MYH1: variants seen among roughly 807,000 people sequenced by gnomAD.
The protein encoded by MYH1 is myosin-1.
A neutral mutation model predicts 225.6 loss-of-function variants in MYH1; 214 were observed. That is an observed-to-expected ratio of 0.95 (90% CI 0.85 to 1.06). The LOEUF is 1.06. Among genes scored for constraint, MYH1 ranks in the 50% least tolerant of loss-of-function variants. The pLI, the probability that MYH1 is intolerant of heterozygous loss-of-function variation, is 0.00. For synonymous variants in MYH1, 774 were observed against 842.3 expected (o/e 0.92, Z 1.40); for missense variants, 2,098 against 2,344.2 (o/e 0.89, Z 2.17).
chr17:10,500,533 T>G (rs1321235786), intron 28 of MYH1, 93 bp downstream of exon 28: 20 of 1,574,224 alleles, frequency 1.3e-5, no homozygotes, highest in Non-Finnish European at 1.6e-5. Flanking sequence ...GGAGGTAGTA[T>G]ATGACCTCAA....
chr17:10,493,597 T>C (rs2072957289), intron 39 of MYH1, among the ~76,000 whole-genome samples: 1 of 152,234 alleles, frequency 6.6e-6, no homozygotes, highest in African/African-American at 2.4e-5. Flanking sequence ...TTTAACTATT[T>C]ACTTGACATG....
chr17:10,501,391 T>C lies in MYH1; in HGVS notation c.3457A>G (p.Arg1153Gly), dbSNP rs968671611. 1 of 1,614,190 alleles carries C rather than the reference T, an allele frequency of 6.2e-7. No individual in the cohort carries two copies. Among genetic ancestry groups the C allele is most frequent in the Non-Finnish European group, 8.5e-7 (1 of 1,180,054 alleles). ...GTGGCCCCACCGGCTTCTTCCAGCC[T>C]CTCGCTGATCTCCTCCAGCTCCCGG... ...LSRELEEISERLEEAGGATSA... is the reference protein window; with the variant it reads ...LSRELEEISEGLEEAGGATSA... The change falls in exon 27 of 40, where the codon AGG becomes GGG. Residue 1153 changes from arginine (R) to glycine (G), a missense_variant. Arg to Gly is a moderately radical substitution (Grantham distance 125). Coordinates refer to ENST00000226207, the MANE Select transcript of MYH1 (RefSeq NM_005963.4).
chr17:10,494,304 C>T (rs757650236), intron 39 of MYH1, 50 bp downstream of exon 39: 14 of 1,514,596 alleles, frequency 9.2e-6, no homozygotes, highest in Non-Finnish European at 1.1e-5. Context: ...TTTAACTAAA[C>T]TGGCCTGGTC....
At chr17:10,493,447 G>A (rs1210983259) in intron 39 of MYH1, among the ~76,000 whole-genome samples, 3 of 152,114 alleles carry the variant, frequency 2.0e-5, no homozygotes, top group Non-Finnish European at 4.4e-5. Context: ...ATGTAACTAT[G>A]AATATTTATA....
Position 10,492,575 on chromosome 17 carries a change from A to G in MYH1, c.5668-7T>C. On this transcript the variant is annotated splice_region_variant and splice_polypyrimidine_tract_variant and intron_variant, in intron 39 of 39. Coordinates refer to ENST00000226207, the MANE Select transcript of MYH1 (RefSeq NM_005963.4). ...TGACGTTGGATTGTTCCTCCTGTGA[A>G]TGGAAATCCATTTATGAGGGAAGAA... The G allele has an allele frequency of 6.2e-7, 1 of 1,605,164 alleles. No individual in the cohort carries two copies. Among genetic ancestry groups the G allele is most frequent in the Non-Finnish European group, 8.5e-7 (1 of 1,176,588 alleles).
At position 10,496,369 on chromosome 17, in the gene MYH1, T is replaced by G; in HGVS notation, c.4837A>C (p.Asn1613His). The change falls in exon 34 of 40, where the codon AAT becomes CAT. Residue 1613 changes from asparagine (N) to histidine (H), a missense_variant. Coordinates refer to ENST00000226207, the MANE Select transcript of MYH1 (RefSeq NM_005963.4). ...TTCTTCTTGAGCCTAATGGCATCAT[T>G]CCTGCTCCTGATCTCAGCATCCAGT... ...STLDAEIRSR[N>H]DAIRLKKKME... 5 of 1,614,102 alleles carry G rather than the reference T, an allele frequency of 3.1e-6. No homozygotes were observed. The highest frequency in any genetic ancestry group is 4.2e-6 in the Non-Finnish European group (5 of 1,180,022).
intron 39 of MYH1, among the ~76,000 whole-genome samples, 165 bp from the exon 40 acceptor site, chr17:10,492,733 T>G (rs981619635): frequency 7.2e-5 from 11 of 152,206 alleles, no homozygotes; most frequent in African/African-American, 2.4e-4. Flanking sequence ...TATTTTTGCA[T>G]TAGCTTCTTG....
At chr17:10,510,789 G>A (rs929101570) in intron 14 of MYH1, among the ~76,000 whole-genome samples, 8 of 152,050 alleles carry the variant, frequency 5.3e-5, no homozygotes, top group Non-Finnish European at 1.2e-4. Context: ...GTGGCCTAGG[G>A]GGAGGACAAA....
Position 10,504,998 on chromosome 17 carries a change from T to C in MYH1, c.2503A>G (p.Lys835Glu), listed in dbSNP as rs576225320. The change falls in exon 22 of 40, where the codon AAG (lysine) becomes GAG (glutamate). Residue 835 changes from lysine to glutamate, a missense_variant. Transcript: ENST00000226207. ...AGGGGTTTGATCTTGAAATACAGCT[T>C]CATCCAGGGCCAGTGCTTCACATTC... ...FMNVKHWPWMKLYFKIKPLLK... is the reference protein window; with the variant it reads ...FMNVKHWPWMELYFKIKPLLK... The C allele has an allele frequency of 1.6e-4, 258 of 1,614,184 alleles. 3 individuals carry two copies. The South Asian group carries it at 2.6e-3, about 16-fold the overall frequency.
At position 10,496,306 on chromosome 17, in the gene MYH1, T is replaced by G. The variant is rs1483695571; in HGVS notation, c.4900A>C (p.Asn1634His). The change falls in exon 34 of 40, where the codon AAC (asparagine) becomes CAC (histidine). Residue 1634 changes from asparagine (N) to histidine (H), a missense_variant. Asn to His is a moderately conservative substitution (Grantham distance 68, BLOSUM62 1). Coordinates refer to ENST00000226207, the MANE Select transcript of MYH1 (RefSeq NM_005963.4). ...GDLNEMEIQL[N>H]HANRMAAEAL... is the part of the protein sequence containing the mutation. Reference sequence around the variant, plus strand: ...TCAGCAGCCATGCGGTTGGCATGGTTCAGCTGGATTTCCATTTCATTGAGG... The same window carrying G: ...TCAGCAGCCATGCGGTTGGCATGGTGCAGCTGGATTTCCATTTCATTGAGG... 1.2e-6 allele frequency: 2 copies of G among 1,614,150 alleles called. No homozygotes were observed. The highest frequency in any genetic ancestry group is 1.7e-6 in the Non-Finnish European group (2 of 1,180,020).
At position 10,499,080 on chromosome 17, in the gene MYH1, C is replaced by T. The variant is rs751944483; in HGVS notation, c.3878G>A (p.Arg1293His). 75 of 1,612,402 alleles carry T rather than the reference C, an allele frequency of 4.7e-5. No individual in the cohort carries two copies. Among genetic ancestry groups the T allele is most frequent in the Non-Finnish European group, 5.9e-5 (69 of 1,178,752 alleles). The change falls in exon 29 of 40, where the codon CGC (arginine) becomes CAC (histidine). Residue 1293 changes from arginine (R) to histidine (H), a missense_variant. By Grantham distance (29) the Arg-to-His change is conservative. Coordinates refer to ENST00000226207, the MANE Select transcript of MYH1 (RefSeq NM_005963.4). ...TAGTGTGTCCTTTTCATCTAGCTGGCGTGAATATTCACCTGTAAAAGACCA... is the reference window on the plus strand; with the variant it reads ...TAGTGTGTCCTTTTCATCTAGCTGGTGTGAATATTCACCTGTAAAAGACCA... ...RLQTESGEYSRQLDEKDTLVS... is the reference protein window; with the variant it reads ...RLQTESGEYSHQLDEKDTLVS...
At position 10,515,159 on chromosome 17, in the gene MYH1, G is replaced by A. The variant is rs542500383; in HGVS notation, c.506-264C>T. 3.3e-5 allele frequency among the ~76,000 whole-genome samples: 5 copies of A among 152,312 alleles called. No individual in the cohort carries two copies. In the South Asian group the frequency reaches 1.0e-3, roughly 32 times the overall value. Reference sequence around the variant, plus strand: ...CATATAGCTGAAAAATGCATAATATGCTAAAGGCTTGGACTATTATTTAAT... The same window carrying A: ...CATATAGCTGAAAAATGCATAATATACTAAAGGCTTGGACTATTATTTAAT... On this transcript the variant is annotated intron_variant, in intron 5 of 39. Transcript: ENST00000226207.
rs761894427 is a variant in MYH1 at position 10,505,881 on chromosome 17, A to G, written c.2105T>C (p.Val702Ala). Reference sequence around the variant, plus strand: ...CCTGCAGATGCGGATGCCTTCCAGCACACCGTTACACCTCAGCTGATGCAG... The same window carrying G: ...CCTGCAGATGCGGATGCCTTCCAGCGCACCGTTACACCTCAGCTGATGCAG... ...LVLHQLRCNG[V>A]LEGIRICRKG... Residue 702 changes from valine to alanine, a missense_variant, in exon 19 of 40, where the codon GTG becomes GCG. Val to Ala is a moderately conservative substitution (Grantham distance 64). Coordinates refer to ENST00000226207, the MANE Select transcript of MYH1 (RefSeq NM_005963.4). The G allele has an allele frequency of 1.9e-6, 3 of 1,614,180 alleles. No individual in the cohort carries two copies. The highest frequency in any genetic ancestry group is 2.5e-6 in the Non-Finnish European group (3 of 1,179,998).
Position 10,508,497 on chromosome 17 carries a change from G to A in MYH1, c.1763C>T (p.Thr588Ile), listed in dbSNP as rs775236846. Residue 588 changes from threonine (T) to isoleucine (I), a missense_variant, in exon 16 of 40, where the codon ACC becomes ATC. Physicochemically the swap from Thr to Ile is moderately conservative, Grantham distance 89 (BLOSUM62 -1). Coordinates refer to ENST00000226207, the MANE Select transcript of MYH1 (RefSeq NM_005963.4). Reference sequence around the variant, plus strand: ...CCAGCCGGCAATGTTGTAGTCCACGGTGCCAGCATAGTGAATCAAAGAGAA... The same window carrying A: ...CCAGCCGGCAATGTTGTAGTCCACGATGCCAGCATAGTGAATCAAAGAGAA... Reference protein sequence around the residue: ...AHFSLIHYAGTVDYNIAGWLD... With the variant: ...AHFSLIHYAGIVDYNIAGWLD... The A allele has an allele frequency of 1.2e-6, 2 of 1,614,178 alleles. No homozygotes were observed. The highest frequency in any genetic ancestry group is 1.7e-6 in the Non-Finnish European group (2 of 1,180,030).
At chr17:10,511,702 T>G in intron 14 of MYH1, 137 bp downstream of exon 14, 1 of 1,382,736 alleles carries the variant, frequency 7.2e-7, no homozygotes. Context: ...TTGGTGCTCT[T>G]TCATGTGTCA....
chr17:10,514,917 A>G (rs562953944), intron 5 of MYH1, 22 bp from the exon 6 acceptor site: 4 of 1,610,790 alleles, frequency 2.5e-6, no homozygotes, highest in South Asian at 1.1e-5. Flanking sequence ...ACAGTGGAAA[A>G]TCAGCATATG....
chr17:10,506,777 G>A (rs2073116785), intron 17 of MYH1, among the ~76,000 whole-genome samples: 1 of 152,182 alleles, frequency 6.6e-6, no homozygotes, highest in Non-Finnish European at 1.5e-5. Context: ...ACAGGCATGA[G>A]CCATGGTGCC....
rs1597433597 is a variant in MYH1, at chr17:10,494,922, G to A, written c.5466+9C>T. 2.5e-6 allele frequency: 4 copies of A among 1,614,050 alleles called. No individual in the cohort carries two copies. In the East Asian group the frequency reaches 8.9e-5, roughly 36 times the overall value. Reference sequence around the variant, plus strand: ...TGAGATAGAAATACATGCTGATTAGGAGACCCACCCTGGCCTCCAGTTTCT... The same window carrying A: ...TGAGATAGAAATACATGCTGATTAGAAGACCCACCCTGGCCTCCAGTTTCT... On this transcript the variant is annotated intron_variant, in intron 37 of 39. Transcript: ENST00000226207.
rs759108818 is a variant in MYH1 at position 10,516,233 on chromosome 17, T to C, written c.314A>G (p.Asn105Ser). The change falls in exon 4 of 40, where the codon AAC becomes AGC. Residue 105 changes from asparagine to serine, a missense_variant. Coordinates refer to ENST00000226207, the MANE Select transcript of MYH1 (RefSeq NM_005963.4). ...THLHEPAVLY[N>S]LKERYAAWMI... ...CCAGGCTGCGTAGCGCTCTTTGAGG[T>C]TGTACAGCACAGCAGGCTCGTGTAG... The C allele has an allele frequency of 3.0e-5, 48 of 1,614,102 alleles. 1 individual carries two copies. The highest frequency in any genetic ancestry group is 3.6e-5 in the Non-Finnish European group (43 of 1,180,048).
Sources: gnomAD v4.1 joint callset for allele counts (sites outside exome capture counted in the v4.1 genomes callset) on GRCh38, gnomAD v4.1.1 for gene constraint, MANE v1.5 for transcripts, NCBI Gene and HGNC (gene_info 2026-07-23, HGNC 2026-07-21) for gene names.